The following KDM4C variants were observed in gnomAD, a reference collection of about 807,000 sequenced individuals.
KDM4C encodes the protein lysine-specific demethylase 4C.
A neutral mutation model predicts 129.3 loss-of-function variants in KDM4C; 81 were observed. The observed-to-expected ratio is 0.63, with a 90% CI of 0.52 to 0.75. The LOEUF is 0.75. Among genes scored for constraint, KDM4C ranks in the 30% least tolerant of loss-of-function variants. The pLI is 0.00. For missense variants in KDM4C, 1,457 were observed against 1,304.0 expected, an observed-to-expected ratio of 1.12 and a Z score of -1.81; for synonymous variants, 573 against 456.1, an observed-to-expected ratio of 1.26 and a Z score of -3.26.
intron 15 of KDM4C, among the ~76,000 whole-genome samples, chr9:7,031,440 C>T (rs1396635109): frequency 3.3e-5 from 5 of 152,018 alleles, no homozygotes; most frequent in African/African-American, 7.2e-5. Context: ...GGATTACAGG[C>T]GTGAGCCATT....
chr9:7,094,961 A>G (rs936637911), intron 17 of KDM4C, among the ~76,000 whole-genome samples: 2 of 152,184 alleles, frequency 1.3e-5, no homozygotes, highest in Non-Finnish European at 1.5e-5. Context: ...GAAAAGGAAG[A>G]CTACCCCAGC....
chr9:6,868,900 G>A (rs1322789452), intron 5 of KDM4C, among the ~76,000 whole-genome samples: 2 of 152,014 alleles, frequency 1.3e-5, no homozygotes, highest in Admixed American at 1.3e-4. Flanking sequence ...AAAATAGTGT[G>A]TAAAACACTA....
At chr9:6,723,938 A>C (rs1293288614) in intron 1 of KDM4C, 1 of 152,246 alleles carries the variant, frequency 6.6e-6, no homozygotes, top group African/African-American at 2.4e-5. Flanking sequence ...AAGTATGTAT[A>C]ACACTTCTTT....
intron 1 of KDM4C, chr9:6,727,129 G>GCTCA (rs1334514535): frequency 6.6e-6 from 1 of 152,184 alleles, no homozygotes; most frequent in African/African-American, 2.4e-5. Context: ...CAGGGCAGTG[G>GCTCA]CTCACGCCTG....
intron 5 of KDM4C, among the ~76,000 whole-genome samples, chr9:6,866,034 C>T (rs1402616004): frequency 1.3e-5 from 2 of 152,012 alleles, no homozygotes; most frequent in Admixed American, 1.3e-4. Flanking sequence ...ATTCACCGTG[C>T]CTGGCCACCC....
intron 5 of KDM4C, among the ~76,000 whole-genome samples, chr9:6,850,671 G>T (rs1410758490): frequency 6.6e-6 from 1 of 151,606 alleles, no homozygotes; most frequent in South Asian, 2.1e-4. Context: ...AGCTCAGGCA[G>T]TCTGCCCACC....
intron 4 of KDM4C, among the ~76,000 whole-genome samples, chr9:6,826,293 TAAA>T (rs1312875891): frequency 6.6e-6 from 1 of 152,118 alleles, no homozygotes; most frequent in African/African-American, 2.4e-5. Flanking sequence ...CACTTTAAGG[TAAA>T]AGTTACCTTT....
intron 8 of KDM4C, among the ~76,000 whole-genome samples, chr9:6,972,404 C>G (rs1344455620): frequency 6.6e-6 from 1 of 151,896 alleles, no homozygotes; most frequent in Non-Finnish European, 1.5e-5. Flanking sequence ...CATGGTTATA[C>G]CATAATTTTT....
intron 1 of KDM4C, among the ~76,000 whole-genome samples, chr9:6,731,339 T>TTG (rs1380728291): frequency 7.1e-6 from 1 of 141,394 alleles, no homozygotes; most frequent in Non-Finnish European, 1.5e-5. Flanking sequence ...TTTTTTTTTT[T>TTG]TTTTGAGACT....
chr9:6,787,469 G>C (rs1825723693), intron 1 of KDM4C, among the ~76,000 whole-genome samples: 1 of 152,230 alleles, frequency 6.6e-6, no homozygotes, highest in African/African-American at 2.4e-5. Context: ...CTGACCTCAG[G>C]TCATCTGCCT....
At chr9:6,966,462 G>A (rs970748720) in intron 8 of KDM4C, among the ~76,000 whole-genome samples, 1 of 152,186 alleles carries the variant, frequency 6.6e-6, no homozygotes, top group Non-Finnish European at 1.5e-5. Flanking sequence ...GAGCCACCGC[G>A]CCGGGCCTCA....
At chr9:6,814,608 T>A (rs772516498) in intron 3 of KDM4C, 23 bp from the exon 4 acceptor site, 59 of 1,443,690 alleles carry the variant, frequency 4.1e-5, no homozygotes, top group Non-Finnish European at 2.1e-5. Flanking sequence ...GGTTTGTACA[T>A]TTTTGTCATC....
intron 1 of KDM4C, among the ~76,000 whole-genome samples, chr9:6,735,723 A>G (rs1334387526): frequency 6.6e-6 from 1 of 152,196 alleles, no homozygotes; most frequent in East Asian, 1.9e-4. Flanking sequence ...AGTGTCAGGT[A>G]TGTCTTTATC....
chr9:7,031,676 ATGTG>A (rs1277414759), intron 15 of KDM4C, among the ~76,000 whole-genome samples: 4 of 151,826 alleles, frequency 2.6e-5, no homozygotes, highest in South Asian at 2.1e-4. Context: ...TTATATATAT[ATGTG>A]TGTGTGTATG....
At chr9:7,119,327 A>G (rs1428323250) in intron 18 of KDM4C, among the ~76,000 whole-genome samples, 1 of 152,170 alleles carries the variant, frequency 6.6e-6, no homozygotes, top group Non-Finnish European at 1.5e-5. Context: ...AATAATTATG[A>G]AGAAAAATTT....
At chr9:6,917,399 C>T (rs1391328947) in intron 8 of KDM4C, among the ~76,000 whole-genome samples, 1 of 152,176 alleles carries the variant, frequency 6.6e-6, no homozygotes, top group African/African-American at 2.4e-5. Context: ...CAACTTCTTA[C>T]TTCCCCCTTT....
Position 7,107,979 on chromosome 9 carries a change from G to A in KDM4C, c.2610+4109G>A, listed in dbSNP as rs111930710. On this transcript the variant is annotated intron_variant, in intron 18 of 21. Transcript: ENST00000381309. ...GGGAGTGGGATTAGTGGAGAAGAAC[G>A]AGAACTTGTATTTATTGAGCATCTT... Among the ~76,000 whole-genome samples, 384 of 152,290 alleles carry A rather than the reference G, an allele frequency of 2.5e-3. 3 individuals are homozygous for A. The highest frequency in any genetic ancestry group is 8.8e-3 in the African/African-American group (366 of 41,560).
At chr9:6,856,166 A>G (rs1839774928) in intron 5 of KDM4C, among the ~76,000 whole-genome samples, 1 of 141,242 alleles carries the variant, frequency 7.1e-6, no homozygotes, top group African/African-American at 2.7e-5. Context: ...TCTTTATTTG[A>G]AGATCAAAAA....
intron 8 of KDM4C, among the ~76,000 whole-genome samples, 174 bp from the exon 9 acceptor site, chr9:6,980,751 C>A (rs1195213068): frequency 2.0e-5 from 3 of 152,124 alleles, no homozygotes; most frequent in African/African-American, 7.2e-5. Context: ...TATAGATTCT[C>A]ATCTCTATTC....
Sources: gnomAD v4.1 joint callset for allele counts (sites outside exome capture counted in the v4.1 genomes callset) on GRCh38, gnomAD v4.1.1 for gene constraint, MANE v1.5 for transcripts, NCBI Gene and HGNC (gene_info 2026-07-23, HGNC 2026-07-21) for gene names.